The following FBXO10 variants were observed in gnomAD, a reference collection of about 807,000 sequenced individuals.
FBXO10 encodes F-box protein 10.
A neutral mutation model predicts 80.7 loss-of-function variants in FBXO10; 39 were observed. The observed-to-expected ratio is 0.48, with a 90% CI of 0.37 to 0.63. FBXO10 has a LOEUF of 0.63. Among genes scored for constraint, FBXO10 ranks in the 30% least tolerant of loss-of-function variants. The probability of loss-of-function intolerance (pLI) is 0.00; values close to 1 mark genes in which losing one functional copy is unlikely to be tolerated. For missense variants in FBXO10, 1,025 were observed against 1,269.0 expected, an observed-to-expected ratio of 0.81 and a Z score of 2.92; for synonymous variants, 449 against 489.6, an observed-to-expected ratio of 0.92 and a Z score of 1.09.
chr9:37,569,117 A>T (rs145167416), intron 1 of FBXO10, among the ~76,000 whole-genome samples: 1,569 of 152,256 alleles, frequency 0.01, 24 homozygotes, highest in African/African-American at 0.036. Flanking sequence ...AAGTTTTCCC[A>T]GGGTTTAAAA....
intron 3 of FBXO10, among the ~76,000 whole-genome samples, chr9:37,536,461 G>A (rs1051338551): frequency 4.2e-4 from 64 of 152,118 alleles, no homozygotes; most frequent in African/African-American, 1.5e-3. Context: ...GTTGATTGTC[G>A]CAGTGGCTAG....
intron 1 of FBXO10, among the ~76,000 whole-genome samples, chr9:37,573,282 A>G (rs954001749): frequency 1.3e-5 from 2 of 152,178 alleles, no homozygotes; most frequent in Non-Finnish European, 2.9e-5. Flanking sequence ...AAGGGCCCCA[A>G]ATGCCCTAAA....
intron 8 of FBXO10, among the ~76,000 whole-genome samples, chr9:37,520,415 G>T (rs573340517): frequency 6.9e-6 from 1 of 145,096 alleles, no homozygotes; most frequent in South Asian, 2.2e-4. Flanking sequence ...CCTCACTGCA[G>T]CCTTGAACTC....
chr9:37,547,424 T>G (rs1822084254), intron 1 of FBXO10, among the ~76,000 whole-genome samples: 1 of 151,932 alleles, frequency 6.6e-6, no homozygotes, highest in African/African-American at 2.4e-5. Context: ...ACTCCATCTC[T>G]GAAAACAAAA....
rs552412685 is a variant in FBXO10, at chr9:37,515,582, G to A, written c.2696+322C>T. The A allele has an allele frequency of 7.6e-5, 16 of 209,202 alleles. No homozygotes were observed. In the South Asian group the frequency reaches 2.0e-3, roughly 27 times the overall value. 13.0% of individuals were successfully genotyped at this position (209,202 alleles called of 1,614,324 possible). On this transcript the variant is annotated intron_variant, in intron 10 of 10. Coordinates refer to ENST00000432825, the MANE Select transcript of FBXO10 (RefSeq NM_012166.3). ...ATTTTTACAGCCCCTCAGAGATTCA[G>A]CCAGATAGTGTGATCTTATTAAATG... is the stretch of plus-strand genomic sequence containing the variant.
At chr9:37,556,603 G>A (rs1035115709) in intron 1 of FBXO10, among the ~76,000 whole-genome samples, 22 of 135,896 alleles carry the variant, frequency 1.6e-4, no homozygotes, top group Non-Finnish European at 2.9e-4. Context: ...GAGTGCAGTG[G>A]CACAATCTCG....
chr9:37,525,230 C>T, intron 5 of FBXO10, 58 bp from the exon 6 acceptor site: 2 of 1,462,876 alleles, frequency 1.4e-6, no homozygotes, highest in Non-Finnish European at 1.9e-6. Flanking sequence ...TGTCATGCTT[C>T]CAGGAGACTG....
At chr9:37,542,670 A>T (rs1821955407) in intron 1 of FBXO10, among the ~76,000 whole-genome samples, 1 of 152,100 alleles carries the variant, frequency 6.6e-6, no homozygotes, top group South Asian at 2.1e-4. Flanking sequence ...TTCTGGTATA[A>T]GAGCCAAACA....
At chr9:37,516,960 C>CAAAAAAAAAAA (rs56108001) in intron 9 of FBXO10, among the ~76,000 whole-genome samples, 1 of 112,448 alleles carries the variant, frequency 8.9e-6, no homozygotes. Context: ...AACTCCATCT[C>CAAAAAAAAAAA]AAAAAAAAAA....
At chr9:37,575,614 G>A (rs532056942) in intron 1 of FBXO10, 1 of 152,238 alleles carries the variant, frequency 6.6e-6, no homozygotes, top group Non-Finnish European at 1.5e-5. Flanking sequence ...ACTGACTCCA[G>A]AGTTCTGGCT....
chr9:37,511,551 G>C lies in FBXO10; in HGVS notation c.*996C>G, dbSNP rs958159512. The C allele has an allele frequency of 8.5e-5, 13 of 153,452 alleles. No individual in the cohort carries two copies. Among genetic ancestry groups the C allele is most frequent in the Admixed American group, 2.6e-4 (4 of 15,310 alleles). 9.5% of individuals were successfully genotyped at this position (153,452 alleles called of 1,614,324 possible). On this transcript the variant is annotated 3_prime_UTR_variant, in exon 11 of 11. Transcript: ENST00000432825. The stretch of plus-strand genomic sequence containing the variant: ...AGAGGGAGCAGAGAAAGGCCACTGA[G>C]GCCCAGAGGGGGAAAGAGGGCAGGG...
intron 1 of FBXO10, among the ~76,000 whole-genome samples, chr9:37,563,920 T>C (rs1822542473): frequency 6.6e-6 from 1 of 152,230 alleles, no homozygotes; most frequent in Non-Finnish European, 1.5e-5. Flanking sequence ...ATGAGGAATG[T>C]TAATCACCAA....
chr9:37,565,190 TAA>T (rs1302005539), intron 1 of FBXO10, among the ~76,000 whole-genome samples: 7 of 152,166 alleles, frequency 4.6e-5, no homozygotes, highest in Admixed American at 6.6e-5. Context: ...ACCATGATTG[TAA>T]GTTTCCTGAG....
At chr9:37,544,156 C>T (rs1423359108) in intron 1 of FBXO10, among the ~76,000 whole-genome samples, 1 of 152,232 alleles carries the variant, frequency 6.6e-6, no homozygotes, top group African/African-American at 2.4e-5. Flanking sequence ...GTAGTTCCAG[C>T]AACTCAGGAG....
In FBXO10 at chr9:37,521,668, C is replaced by T. The variant is rs937038245; in HGVS notation, c.2101G>A (p.Ala701Thr). The T allele has an allele frequency of 6.2e-6, 10 of 1,613,792 alleles. No individual in the cohort carries two copies. In the African/African-American group the frequency reaches 6.7e-5, roughly 11 times the overall value. Residue 701 changes from alanine (A) to threonine (T), a missense_variant, in exon 8 of 11, where the codon GCC becomes ACC. Around this residue, in one of 3 missense-constraint regions of FBXO10, gnomAD observed 478 missense variants for 667.8 expected, o/e 0.72. Coordinates refer to ENST00000432825, the MANE Select transcript of FBXO10 (RefSeq NM_012166.3). ...TCCAGCTCTGTCTCCCAGAGGATGG[C>T]GTCCCCATCCTCGCTGAAGTTCTCT... ...AQENFSEDGD[A>T]ILWETELEKE...
At chr9:37,524,324 C>T (rs1427557969) in intron 6 of FBXO10, among the ~76,000 whole-genome samples, 1 of 152,168 alleles carries the variant, frequency 6.6e-6, no homozygotes, top group Non-Finnish European at 1.5e-5. Context: ...GTTTTTTGCT[C>T]ATATACGTAG....
intron 1 of FBXO10, among the ~76,000 whole-genome samples, chr9:37,561,304 CA>C (rs1822477827): frequency 6.6e-6 from 1 of 151,782 alleles, no homozygotes; most frequent in African/African-American, 2.4e-5. Context: ...CTTAGCCTCT[CA>C]AAATACTGTG....
chr9:37,560,172 G>T (rs905997988), intron 1 of FBXO10, among the ~76,000 whole-genome samples: 1 of 152,184 alleles, frequency 6.6e-6, no homozygotes, highest in Non-Finnish European at 1.5e-5. Context: ...ATATTTTAAG[G>T]AGATCCATCC....
At chr9:37,562,974 G>A (rs1224053796) in intron 1 of FBXO10, among the ~76,000 whole-genome samples, 1 of 146,790 alleles carries the variant, frequency 6.8e-6, no homozygotes, top group Admixed American at 6.8e-5. Flanking sequence ...TGGTTTGGCT[G>A]TGTCCCCACC....
Sources: allele counts gnomAD v4.1 joint callset (sites outside exome capture counted in the v4.1 genomes callset), GRCh38; gene constraint gnomAD v4.1.1; regional missense constraint gnomAD v4.1.1; transcripts MANE v1.5; gene names NCBI Gene and HGNC (gene_info 2026-07-23, HGNC 2026-07-21).